Variants in CAMSAP2 observed in about 807,000 individuals in gnomAD.
The protein encoded by CAMSAP2 is calmodulin regulated spectrin associated protein family member 2, also known as calmodulin-regulated spectrin-associated protein 2.
A neutral mutation model predicts 146.1 loss-of-function variants in CAMSAP2; 26 were observed. The observed-to-expected ratio is 0.18, with a 90% CI of 0.13 to 0.25. CAMSAP2 has a LOEUF of 0.25. CAMSAP2 is among the 10% of genes least tolerant of loss of function. The pLI is 1.00. For synonymous variants in CAMSAP2, 499 were observed against 596.6 expected (o/e 0.84, Z 2.38); for missense variants, 1,381 against 1,759.3 (o/e 0.78, Z 3.85).
At chr1:200,801,833 G>T (rs1666043685) in intron 2 of CAMSAP2, among the ~76,000 whole-genome samples, 2 of 152,094 alleles carry the variant, frequency 1.3e-5, no homozygotes, top group Non-Finnish European at 2.9e-5. Context: ...TGGTATCCTT[G>T]TTTTCTTTTT....
At chr1:200,841,547 A>C (rs564391840) in intron 6 of CAMSAP2, among the ~76,000 whole-genome samples, 426 of 152,298 alleles carry the variant, frequency 2.8e-3, no homozygotes, top group African/African-American at 9.4e-3. Flanking sequence ...CGCCCGGCCA[A>C]ATAAAGTATT....
At chr1:200,835,887 T>C (rs1667172499) in intron 6 of CAMSAP2, among the ~76,000 whole-genome samples, 1 of 152,198 alleles carries the variant, frequency 6.6e-6, no homozygotes, top group Non-Finnish European at 1.5e-5. Flanking sequence ...TGCATTTGTT[T>C]AAGTTGGTAT....
At chr1:200,847,856 T>A in intron 10 of CAMSAP2, 147 bp downstream of exon 10, 1 of 854,768 alleles carries the variant, frequency 1.2e-6, no homozygotes, top group South Asian at 1.8e-5. Flanking sequence ...ATGATAGAGA[T>A]GTAAAAGAGG....
chr1:200,763,045 G>A (rs551698623), intron 2 of CAMSAP2, among the ~76,000 whole-genome samples: 7 of 151,984 alleles, frequency 4.6e-5, no homozygotes, highest in East Asian at 1.9e-4. Flanking sequence ...GATTATAGGC[G>A]TGCATCACCA....
chr1:200,766,582 C>T (rs1392961546), intron 2 of CAMSAP2, among the ~76,000 whole-genome samples: 1 of 152,172 alleles, frequency 6.6e-6, no homozygotes, highest in African/African-American at 2.4e-5. Context: ...AATATAAGGT[C>T]ACAGAGCAAG....
At position 200,847,242 on chromosome 1, in the gene CAMSAP2, A is replaced by T; in HGVS notation, c.1142A>T (p.His381Leu). Residue 381 changes from histidine (H) to leucine (L), a missense_variant, in exon 9 of 17, where the codon CAT becomes CTT. Physicochemically the swap from His to Leu is moderately conservative, Grantham distance 99. Coordinates refer to ENST00000358823, the MANE Select transcript of CAMSAP2 (RefSeq NM_203459.4). ...GGAGCTACATTTACACAGTCTCATCATCATTTGCCTTCTAGGTATTCACGT... is the reference window on the plus strand; with the variant it reads ...GGAGCTACATTTACACAGTCTCATCTTCATTTGCCTTCTAGGTATTCACGT... ...GEGATFTQSH[H>L]HLPSRYSRPQ... 1 of 1,612,444 alleles carries T rather than the reference A, an allele frequency of 6.2e-7. No individual in the cohort carries two copies. Among genetic ancestry groups the T allele is most frequent in the Non-Finnish European group, 8.5e-7 (1 of 1,179,216 alleles).
At chr1:200,854,245 G>C (rs915947326) in intron 13 of CAMSAP2, among the ~76,000 whole-genome samples, 2 of 152,160 alleles carry the variant, frequency 1.3e-5, no homozygotes, top group Admixed American at 1.3e-4. Flanking sequence ...GCCTCCCAAA[G>C]TGTTAGGATT....
intron 3 of CAMSAP2, among the ~76,000 whole-genome samples, chr1:200,810,396 A>G (rs555663826): frequency 7.8e-4 from 119 of 152,234 alleles, no homozygotes; most frequent in African/African-American, 2.7e-3. Context: ...CCTGGCCAAC[A>G]TGGTGAAACC....
At chr1:200,760,178 T>C (rs1664763098) in intron 1 of CAMSAP2, among the ~76,000 whole-genome samples, 1 of 152,168 alleles carries the variant, frequency 6.6e-6, no homozygotes, top group African/African-American at 2.4e-5. Context: ...AGGAAGTCTT[T>C]TTCAGGTAGG....
intron 2 of CAMSAP2, among the ~76,000 whole-genome samples, chr1:200,781,580 T>C (rs185165007): frequency 2.8e-3 from 426 of 152,246 alleles, no homozygotes; most frequent in African/African-American, 9.4e-3. Context: ...CTCCCTCTGT[T>C]GCTCAGCTTG....
intron 14 of CAMSAP2, 57 bp downstream of exon 14, chr1:200,854,946 A>G (rs1667711236): frequency 2.5e-6 from 3 of 1,223,660 alleles, no homozygotes; most frequent in Admixed American, 2.4e-5. Context: ...CTGCAATTAT[A>G]CAAACTCTAA....
rs74136255 is a variant in CAMSAP2, at chr1:200,853,615, C to T, written c.3823+120C>T. On this transcript the variant is annotated intron_variant, in intron 13 of 16. Transcript: ENST00000358823. This position sits in a 1 kb window ranked among gnomAD's most constrained non-coding sequence, Gnocchi z 5.1. Reference sequence around the variant, plus strand: ...GATACACAGTTTGAGATTGTGCATGCTCCCTTTTGGAAAACCAAAATGAGC... The same window carrying T: ...GATACACAGTTTGAGATTGTGCATGTTCCCTTTTGGAAAACCAAAATGAGC... 64 of 759,212 alleles carry T rather than the reference C, an allele frequency of 8.4e-5. No individual in the cohort carries two copies. The African/African-American group carries it at 1.0e-3, about 12-fold the overall frequency. The allele number at this position is 759,212 out of a possible 1,614,324, so 47.0% of individuals were successfully genotyped here.
intron 1 of CAMSAP2, among the ~76,000 whole-genome samples, chr1:200,748,586 C>A (rs567523659): frequency 1.3e-5 from 2 of 151,584 alleles, no homozygotes; most frequent in East Asian, 3.9e-4. Context: ...TAGGCTCCTT[C>A]TCCATCTCAT....
intron 4 of CAMSAP2, among the ~76,000 whole-genome samples, chr1:200,826,551 C>T (rs1666911839): frequency 6.6e-6 from 1 of 152,132 alleles, no homozygotes. Flanking sequence ...CCACACCAAA[C>T]CAATATCCTC....
chr1:200,843,498 G>T (rs1168835948), intron 7 of CAMSAP2, among the ~76,000 whole-genome samples: 1 of 152,164 alleles, frequency 6.6e-6, no homozygotes, highest in African/African-American at 2.4e-5. Context: ...AATGAAGTCA[G>T]ATATTCTTAG....
intron 6 of CAMSAP2, among the ~76,000 whole-genome samples, chr1:200,836,138 A>G (rs1368306062): frequency 6.6e-6 from 1 of 151,926 alleles, no homozygotes; most frequent in African/African-American, 2.4e-5. Flanking sequence ...AAGGGTACAT[A>G]TGCAGGTTTG....
At chr1:200,782,933 C>A (rs1039620086) in intron 2 of CAMSAP2, among the ~76,000 whole-genome samples, 3 of 151,618 alleles carry the variant, frequency 2.0e-5, no homozygotes, top group African/African-American at 4.8e-5. Flanking sequence ...ACTACCACAC[C>A]CAGCTAATTT....
rs757527293 is a variant in CAMSAP2, at chr1:200,849,715, G to A, written c.2946G>A (p.Glu982=). 2 of 1,614,214 alleles carry A rather than the reference G, an allele frequency of 1.2e-6. No homozygotes were observed. Among genetic ancestry groups the A allele is most frequent in the South Asian group, 2.2e-5 (2 of 91,080 alleles). Residue 982 remains glutamate (E), a synonymous_variant, in exon 11 of 17, where the codon GAG becomes GAA. Transcript: ENST00000358823. The surrounding 1 kb of genome is among the most constrained non-coding windows in gnomAD (Gnocchi z 6.3). ...GTCAAAGGACTCCTAGGCCAAATGAGTTAAAAATAACACCTTTGAATCGAA... is the reference window on the plus strand; with the variant it reads ...GTCAAAGGACTCCTAGGCCAAATGAATTAAAAATAACACCTTTGAATCGAA... The part of the protein sequence containing the change: ...VKSQRTPRPN[E]LKITPLNRTL...
At chr1:200,815,692 G>T in intron 4 of CAMSAP2, 48 bp downstream of exon 4, 1 of 917,186 alleles carries the variant, frequency 1.1e-6, no homozygotes, top group Non-Finnish European at 1.6e-6. Context: ...CTGTATATAT[G>T]TTCACATATT....
Sources: gnomAD v4.1 joint callset for allele counts (sites outside exome capture counted in the v4.1 genomes callset) on GRCh38, gnomAD v4.1.1 for gene constraint, Gnocchi (gnomAD v3.1) non-coding constraint, MANE v1.5 for transcripts, NCBI Gene and HGNC (gene_info 2026-07-23, HGNC 2026-07-21) for gene names.